IFI16: variants seen among roughly 807,000 people sequenced by gnomAD.
The protein encoded by IFI16 is gamma-interferon-inducible protein 16.
Under a neutral mutation model 68.4 loss-of-function variants are expected in IFI16, and 49 were observed. The observed-to-expected ratio is 0.72, with a 90% CI of 0.57 to 0.91. IFI16 has a LOEUF of 0.91. Among genes scored for constraint, IFI16 ranks in the 40% least tolerant of loss-of-function variants. The pLI is 0.00. For synonymous variants in IFI16, 307 were observed against 315.0 expected (o/e 0.97, Z 0.27); for missense variants, 878 against 942.9 (o/e 0.93, Z 0.90).
intron 7 of IFI16, among the ~76,000 whole-genome samples, chr1:159,034,565 G>C (rs964602851): frequency 9.9e-5 from 15 of 152,114 alleles, no homozygotes; most frequent in Admixed American, 4.6e-4. Context: ...TTCCAAATGA[G>C]AAGCTTTGAC....
intron 9 of IFI16, 142 bp from the exon 10 acceptor site, chr1:159,051,537 T>C: frequency 1.6e-6 from 1 of 631,454 alleles, no homozygotes; most frequent in Non-Finnish European, 2.8e-6. Context: ...ACTATCTCAG[T>C]GATCTTTGTC....
At position 159,016,706 on chromosome 1, in the gene IFI16, C is replaced by T; in HGVS notation, c.549+6C>T. On this transcript the variant is annotated splice_donor_region_variant and intron_variant, in intron 4 of 11. Coordinates refer to ENST00000295809, the MANE Select transcript of IFI16 (RefSeq NM_001376587.1). ...CCAACAGTTCTTCAACTGAGGTACA[C>T]TCTTCCTGGTCCCATTTTGCTTTGT... The T allele has an allele frequency of 1.2e-6, 2 of 1,609,228 alleles. No homozygotes were observed. The highest frequency in any genetic ancestry group is 2.2e-5 in the South Asian group (2 of 90,168).
intron 6 of IFI16, among the ~76,000 whole-genome samples, chr1:159,023,197 G>A (rs1438890446): frequency 2.0e-5 from 3 of 152,054 alleles, no homozygotes; most frequent in Non-Finnish European, 2.9e-5. Flanking sequence ...CAAGTTTATC[G>A]GATAGGGCTG....
intron 8 of IFI16, among the ~76,000 whole-genome samples, chr1:159,048,353 A>C (rs1288180745): frequency 3.3e-5 from 5 of 151,554 alleles, no homozygotes; most frequent in Admixed American, 2.6e-4. Context: ...ACATGTGAGA[A>C]AACTGAGATG....
chr1:159,020,629 C>T (rs1653252355), intron 6 of IFI16, 100 bp downstream of exon 6: 14 of 722,442 alleles, frequency 1.9e-5, no homozygotes, highest in South Asian at 1.3e-4. Flanking sequence ...CAGAGTTCAG[C>T]GGGAGGCATG....
chr1:159,047,192 T>G (rs1655044314), intron 8 of IFI16, among the ~76,000 whole-genome samples: 1 of 151,386 alleles, frequency 6.6e-6, no homozygotes. Flanking sequence ...CGGCCCAGGT[T>G]GCGGACCCGA....
chr1:159,050,125 T>G (rs1447786069), intron 9 of IFI16, among the ~76,000 whole-genome samples: 1 of 152,202 alleles, frequency 6.6e-6, no homozygotes, highest in Non-Finnish European at 1.5e-5. Context: ...TCAGAGTAAA[T>G]CACATTCACA....
At chr1:159,020,285 T>A in intron 5 of IFI16, 56 bp from the exon 6 acceptor site, 7 of 1,301,400 alleles carry the variant, frequency 5.4e-6, no homozygotes, top group Non-Finnish European at 7.7e-6. Context: ...CTTCAGCCTA[T>A]ATGTGGTTGT....
At chr1:159,031,382 A>G (rs1653989545) in intron 6 of IFI16, among the ~76,000 whole-genome samples, 1 of 152,148 alleles carries the variant, frequency 6.6e-6, no homozygotes, top group South Asian at 2.1e-4. Context: ...TGTTCGGTCG[A>G]AACTTCAGCT....
chr1:159,041,855 C>G (rs1386798700), intron 7 of IFI16, among the ~76,000 whole-genome samples: 1 of 152,144 alleles, frequency 6.6e-6, no homozygotes, highest in Non-Finnish European at 1.5e-5. Context: ...GAGCCCATAC[C>G]TACTCGTTAA....
At chr1:159,033,838 C>A (rs544618501) in intron 7 of IFI16, among the ~76,000 whole-genome samples, 11 of 152,276 alleles carry the variant, frequency 7.2e-5, no homozygotes, top group African/African-American at 2.6e-4. Flanking sequence ...ATAAGTAAAC[C>A]ACCCTCCAGA....
At chr1:159,046,876 C>CT (rs928381009) in intron 8 of IFI16, among the ~76,000 whole-genome samples, 1 of 151,388 alleles carries the variant, frequency 6.6e-6, no homozygotes, top group African/African-American at 2.4e-5. Context: ...AAACCTATGA[C>CT]TTTCTTCCCT....
rs547240581 is a variant in IFI16 at position 159,012,635 on chromosome 1, C to T, written c.-20-2026C>T. Among the ~76,000 whole-genome samples, 6 of 152,318 alleles carry T rather than the reference C, an allele frequency of 3.9e-5. No homozygotes were observed. In the South Asian group the frequency reaches 1.2e-3, roughly 32 times the overall value. On this transcript the variant is annotated intron_variant, in intron 1 of 11. Coordinates refer to ENST00000295809, the MANE Select transcript of IFI16 (RefSeq NM_001376587.1). ...ATTTCTCAGCAAAGCATATTTGCTT[C>T]TACAGAAGGGTGCTGCCTGCGTCAG... is the stretch of plus-strand genomic sequence containing the variant.
chr1:159,004,045 G>A (rs773591837), upstream of IFI16, among the ~76,000 whole-genome samples: 1 of 152,178 alleles, frequency 6.6e-6, no homozygotes, highest in Admixed American at 6.5e-5. Flanking sequence ...TGTGTGAACA[G>A]CAGTTTCTTT....
intron 6 of IFI16, among the ~76,000 whole-genome samples, chr1:159,026,300 T>C (rs1302088317): frequency 1.5e-3 from 2 of 1,312 alleles, no homozygotes; most frequent in South Asian, 0.083. Context: ...ATTTCTTTCT[T>C]TTTTTTTTTT....
intron 8 of IFI16, among the ~76,000 whole-genome samples, chr1:159,049,045 GT>G (rs1655179083): frequency 6.6e-6 from 1 of 150,380 alleles, no homozygotes; most frequent in African/African-American, 2.4e-5. Context: ...ACTGGTTTGT[GT>G]ATCTAATTGA....
At chr1:159,010,286 C>T (rs1444373467) in intron 1 of IFI16, 125 bp downstream of exon 1, 2 of 152,148 alleles carry the variant, frequency 1.3e-5, no homozygotes, top group African/African-American at 4.8e-5. Context: ...GCTGAGTATT[C>T]AGAAAAGTGA....
At chr1:159,005,482 T>C (rs887239448), upstream of IFI16, among the ~76,000 whole-genome samples, 5 of 152,188 alleles carry the variant, frequency 3.3e-5, no homozygotes, top group East Asian at 5.8e-4. Context: ...GCCTCAACAC[T>C]GAGTCTCTTT....
At chr1:159,025,592 A>G (rs1303061527) in intron 6 of IFI16, among the ~76,000 whole-genome samples, 2 of 152,076 alleles carry the variant, frequency 1.3e-5, no homozygotes, top group African/African-American at 4.8e-5. Flanking sequence ...TGTCAGATGC[A>G]TAGTTTGTGA....
Sources: gnomAD v4.1 joint callset for allele counts (sites outside exome capture counted in the v4.1 genomes callset) on GRCh38, gnomAD v4.1.1 for gene constraint, MANE v1.5 for transcripts, NCBI Gene and HGNC (gene_info 2026-07-23, HGNC 2026-07-21) for gene names.